FGGY: variants seen among roughly 807,000 people sequenced by gnomAD.
The protein encoded by FGGY is FGGY carbohydrate kinase domain-containing protein.
In FGGY, 72 loss-of-function variants were observed where a neutral mutation model predicts 71.3. The observed-to-expected ratio is 1.01, with a 90% confidence interval of 0.84 to 1.23. The LOEUF (loss-of-function observed/expected upper bound fraction) is 1.23. FGGY is among the 50% of genes most tolerant of loss of function. The probability of loss-of-function intolerance (pLI) is 0.00; values close to 1 mark genes in which losing one functional copy is unlikely to be tolerated. For synonymous variants in FGGY, 251 were observed against 250.3 expected (o/e 1.00, Z -0.02); for missense variants, 668 against 682.3 (o/e 0.98, Z 0.23).
chr1:59,333,127 C>T (rs1453368751), intron 2 of FGGY, among the ~76,000 whole-genome samples: 1 of 152,192 alleles, frequency 6.6e-6, no homozygotes, highest in African/African-American at 2.4e-5. Context: ...TCTTTGGACA[C>T]CACATCCTGT....
At chr1:59,512,667 AG>A (rs1391204278) in intron 7 of FGGY, among the ~76,000 whole-genome samples, 9 of 152,206 alleles carry the variant, frequency 5.9e-5, no homozygotes, top group South Asian at 2.1e-4. Context: ...ACATGGCAAT[AG>A]AAAAAAATGT....
intron 5 of FGGY, among the ~76,000 whole-genome samples, chr1:59,415,681 T>G (rs967305444): frequency 6.6e-6 from 1 of 152,196 alleles, no homozygotes; most frequent in South Asian, 2.1e-4. Flanking sequence ...GTTTTGCGGT[T>G]TTCTCCACCA....
Position 59,567,726 on chromosome 1 carries a change from T to C in FGGY, c.903+13499T>C, listed in dbSNP as rs2095898345. Among the ~76,000 whole-genome samples, 3 of 152,036 alleles carry C rather than the reference T, an allele frequency of 2.0e-5. No individual in the cohort carries two copies. In the South Asian group the frequency reaches 6.2e-4, roughly 32 times the overall value. On this transcript the variant is annotated intron_variant, in intron 8 of 15. Coordinates refer to ENST00000303721, the MANE Select transcript of FGGY (RefSeq NM_018291.5). ...GTTATTTTTATATATGTGTGCATTC[T>C]TCTGTGGTGTGCAGAACACCAAATT...
At chr1:59,385,960 T>C (rs1009346316) in intron 5 of FGGY, among the ~76,000 whole-genome samples, 3 of 152,118 alleles carry the variant, frequency 2.0e-5, no homozygotes, top group African/African-American at 7.2e-5. Context: ...GGGTAGACAA[T>C]ATAAATTATT....
chr1:59,644,150 G>C (rs766577907), intron 11 of FGGY, among the ~76,000 whole-genome samples: 16 of 151,902 alleles, frequency 1.1e-4, no homozygotes, highest in Non-Finnish European at 2.2e-4. Flanking sequence ...TAAGGTACTA[G>C]TTTCCTTCCC....
chr1:59,653,169 G>A (rs1297392319), intron 11 of FGGY, among the ~76,000 whole-genome samples: 2 of 152,194 alleles, frequency 1.3e-5, no homozygotes, highest in Non-Finnish European at 2.9e-5. Context: ...TGTCAGACAG[G>A]GACATTTAAG....
intron 12 of FGGY, among the ~76,000 whole-genome samples, chr1:59,662,869 G>T (rs1391143902): frequency 4.6e-5 from 7 of 152,144 alleles, no homozygotes; most frequent in Non-Finnish European, 2.9e-5. Flanking sequence ...GTATTCCCAT[G>T]GTTAAAGGAC....
intron 5 of FGGY, among the ~76,000 whole-genome samples, chr1:59,441,252 A>C (rs376182258): frequency 5.3e-5 from 8 of 152,264 alleles, no homozygotes; most frequent in Admixed American, 2.0e-4. Context: ...GAATCAGTGC[A>C]TCTCTCTATG....
At chr1:59,476,157 C>G (rs2093256123) in intron 6 of FGGY, among the ~76,000 whole-genome samples, 1 of 152,210 alleles carries the variant, frequency 6.6e-6, no homozygotes. Flanking sequence ...TTGTTCAGAT[C>G]TCAGCTTCAA....
chr1:59,472,488 G>C (rs2093008806), intron 6 of FGGY, among the ~76,000 whole-genome samples: 1 of 152,250 alleles, frequency 6.6e-6, no homozygotes, highest in Non-Finnish European at 1.5e-5. Flanking sequence ...CGCGGGACTG[G>C]CAGGCAGCTC....
intron 5 of FGGY, among the ~76,000 whole-genome samples, chr1:59,432,341 A>T (rs1428849689): frequency 3.3e-5 from 5 of 152,168 alleles, no homozygotes; most frequent in African/African-American, 9.7e-5. Context: ...ATCAAACCTG[A>T]AAAAAGGGGG....
At chr1:59,754,947 A>G (rs1290073824) in intron 14 of FGGY, 1 of 152,226 alleles carries the variant, frequency 6.6e-6, no homozygotes, top group East Asian at 1.9e-4. Flanking sequence ...GACAGGAGTC[A>G]CATACAAGCC....
intron 8 of FGGY, among the ~76,000 whole-genome samples, chr1:59,566,404 AT>A (rs1226285442): frequency 6.6e-6 from 1 of 152,060 alleles, no homozygotes; most frequent in Admixed American, 6.5e-5. Flanking sequence ...CATACATTAC[AT>A]TTTTATATCT....
chr1:59,507,553 G>A (rs2094418356), intron 6 of FGGY, among the ~76,000 whole-genome samples: 2 of 151,888 alleles, frequency 1.3e-5, no homozygotes, highest in Admixed American at 1.3e-4. Context: ...TCTCATTCTT[G>A]TTGCCCAGGA....
At position 59,668,994 on chromosome 1, in the gene FGGY, A is replaced by G. The variant is rs56257404; in HGVS notation, c.1417+1591A>G. Among the ~76,000 whole-genome samples, 1,464 of 147,546 alleles carry G rather than the reference A, an allele frequency of 9.9e-3. 8 individuals carry two copies. The highest frequency in any genetic ancestry group is 0.014 in the Non-Finnish European group (955 of 67,244). Reference sequence around the variant, plus strand: ...CAACAAGAGCAAAACTCCATCTCAAAAAAAAAAAAAAAAAAAAAGCATACA... The same window carrying G: ...CAACAAGAGCAAAACTCCATCTCAAGAAAAAAAAAAAAAAAAAAGCATACA... On this transcript the variant is annotated intron_variant, in intron 13 of 15. Transcript: ENST00000303721.
chr1:59,753,597 GA>G (rs1201521315), intron 14 of FGGY, among the ~76,000 whole-genome samples: 16 of 139,576 alleles, frequency 1.1e-4, no homozygotes, highest in East Asian at 2.1e-4. Flanking sequence ...AACTTGACAA[GA>G]AAAAAAAATT....
At chr1:59,370,564 A>G (rs1349451252) in intron 4 of FGGY, among the ~76,000 whole-genome samples, 1 of 151,930 alleles carries the variant, frequency 6.6e-6, no homozygotes, top group East Asian at 1.9e-4. Flanking sequence ...AACGCCACAA[A>G]GATACTCCTC....
intron 6 of FGGY, among the ~76,000 whole-genome samples, chr1:59,508,805 G>C (rs2094453359): frequency 6.6e-6 from 1 of 152,210 alleles, no homozygotes; most frequent in Admixed American, 6.5e-5. Flanking sequence ...GGATTGAGGA[G>C]AAGGCTGGTT....
At chr1:59,370,766 A>G in intron 4 of FGGY, among the ~76,000 whole-genome samples, 1 of 151,288 alleles carries the variant, frequency 6.6e-6, no homozygotes. Flanking sequence ...ATTCTTAAAG[A>G]AAAGAATTTT....
Sources: gnomAD v4.1 joint callset for allele counts (sites outside exome capture counted in the v4.1 genomes callset) on GRCh38, gnomAD v4.1.1 for gene constraint, MANE v1.5 for transcripts, NCBI Gene and HGNC (gene_info 2026-07-23, HGNC 2026-07-21) for gene names.